CNBD1: variants seen among roughly 807,000 people sequenced by gnomAD.
CNBD1 encodes cyclic nucleotide binding domain containing 1.
Under a neutral mutation model 54.4 loss-of-function variants are expected in CNBD1, and 71 were observed. That is an observed-to-expected ratio of 1.30 (90% CI 1.08 to 1.59). CNBD1 has a LOEUF of 1.59. CNBD1 is among the 40% of genes most tolerant of loss of function. CNBD1 has a pLI of 0.00. For synonymous variants in CNBD1, 182 were observed against 170.7 expected, an observed-to-expected ratio of 1.07 and a Z score of -0.51; for missense variants, 659 against 518.0, an observed-to-expected ratio of 1.27 and a Z score of -2.64.
At chr8:87,121,709 C>A (rs1256469599) in intron 4 of CNBD1, among the ~76,000 whole-genome samples, 1 of 151,694 alleles carries the variant, frequency 6.6e-6, no homozygotes, top group East Asian at 1.9e-4. Context: ...CCATTCTATT[C>A]TCTACTTCTA....
intron 4 of CNBD1, among the ~76,000 whole-genome samples, chr8:87,135,074 C>T (rs910866103): frequency 2.0e-5 from 3 of 151,970 alleles, no homozygotes; most frequent in South Asian, 2.1e-4. Context: ...TATTCCAGTA[C>T]GTAAATTTTC....
intron 10 of CNBD1, among the ~76,000 whole-genome samples, chr8:87,380,298 T>G (rs1369416279): frequency 6.6e-6 from 1 of 151,944 alleles, no homozygotes; most frequent in Non-Finnish European, 1.5e-5. Flanking sequence ...AGATCATTCT[T>G]GGCACCCTTG....
At chr8:87,072,867 G>A (rs1810787385) in intron 4 of CNBD1, among the ~76,000 whole-genome samples, 1 of 152,054 alleles carries the variant, frequency 6.6e-6, no homozygotes. Context: ...TTTCTAGGTT[G>A]AGGAAGTTCT....
At chr8:87,360,491 T>A (rs545247671) in intron 10 of CNBD1, among the ~76,000 whole-genome samples, 97 of 151,990 alleles carry the variant, frequency 6.4e-4, no homozygotes, top group Non-Finnish European at 1.1e-3. Context: ...AGAATGTAGT[T>A]TATTATTATT....
At chr8:87,303,030 A>G (rs1409848109) in intron 8 of CNBD1, among the ~76,000 whole-genome samples, 1 of 151,892 alleles carries the variant, frequency 6.6e-6, no homozygotes, top group African/African-American at 2.4e-5. Flanking sequence ...ATGGGTAGGA[A>G]GAATCAATAT....
chr8:87,335,614 G>A (rs112348990), intron 8 of CNBD1, among the ~76,000 whole-genome samples: 16 of 151,960 alleles, frequency 1.1e-4, no homozygotes, highest in Non-Finnish European at 1.8e-4. Context: ...ACGTAAGAGG[G>A]GTCTCTTGAA....
intron 2 of CNBD1, among the ~76,000 whole-genome samples, chr8:87,424,573 T>C (rs1206685519): frequency 1.3e-5 from 2 of 152,192 alleles, no homozygotes; most frequent in African/African-American, 4.8e-5. Flanking sequence ...AGTTTCCATG[T>C]AGTTGCGCGT....
intron 3 of CNBD1, among the ~76,000 whole-genome samples, chr8:86,929,647 G>A (rs930338976): frequency 1.3e-5 from 2 of 152,114 alleles, no homozygotes; most frequent in African/African-American, 4.8e-5. Flanking sequence ...GCACACATGC[G>A]AATTTGAAGC....
chr8:86,869,169 C>T (rs577074699), intron 1 of CNBD1, among the ~76,000 whole-genome samples: 3 of 152,252 alleles, frequency 2.0e-5, no homozygotes, highest in Admixed American at 6.5e-5. Context: ...TTAGATAATA[C>T]GTTTTTATTT....
intron 2 of CNBD1, among the ~76,000 whole-genome samples, chr8:87,416,543 G>C (rs1041595522): frequency 1.3e-5 from 2 of 152,020 alleles, no homozygotes; most frequent in Non-Finnish European, 2.9e-5. Flanking sequence ...GGAAAGACCA[G>C]AACAGGGTTG....
chr8:87,056,819 C>T (rs1253122741), intron 4 of CNBD1, among the ~76,000 whole-genome samples: 5 of 151,986 alleles, frequency 3.3e-5, no homozygotes, highest in Non-Finnish European at 7.4e-5. Flanking sequence ...AGATTCACAT[C>T]ACAACTAGAA....
intron 10 of CNBD1, among the ~76,000 whole-genome samples, chr8:87,380,917 G>T (rs1315926161): frequency 6.6e-6 from 1 of 151,992 alleles, no homozygotes; most frequent in Non-Finnish European, 1.5e-5. Flanking sequence ...AGACACAAAT[G>T]CAAGAATTGT....
intron 8 of CNBD1, among the ~76,000 whole-genome samples, chr8:87,295,453 A>G (rs1351162134): frequency 6.6e-6 from 1 of 151,404 alleles, no homozygotes; most frequent in East Asian, 1.9e-4. Flanking sequence ...ATAATAATTA[A>G]ATTAAAATAA....
At chr8:87,424,710 C>G (rs1250844713) in intron 2 of CNBD1, among the ~76,000 whole-genome samples, 2 of 152,180 alleles carry the variant, frequency 1.3e-5, no homozygotes, top group African/African-American at 4.8e-5. Flanking sequence ...TGATGGGCTT[C>G]CCTTTGAGGG....
chr8:87,305,690 T>C (rs572454674), intron 8 of CNBD1, among the ~76,000 whole-genome samples: 7 of 152,052 alleles, frequency 4.6e-5, no homozygotes, highest in Non-Finnish European at 7.4e-5. Context: ...GTTGGGATAA[T>C]TGGCAAGCCA....
chr8:87,063,932 AT>A (rs1372927768), intron 4 of CNBD1, among the ~76,000 whole-genome samples: 13 of 152,000 alleles, frequency 8.6e-5, no homozygotes, highest in Admixed American at 8.5e-4. Context: ...AATGCAATTG[AT>A]TTTTGTATAC....
chr8:87,101,309 C>G (rs572801086), intron 4 of CNBD1, among the ~76,000 whole-genome samples: 18 of 152,088 alleles, frequency 1.2e-4, no homozygotes, highest in Admixed American at 1.1e-3. Context: ...AGTGAATGAA[C>G]AGGTGGGAAA....
intron 4 of CNBD1, among the ~76,000 whole-genome samples, chr8:87,003,758 G>A (rs1408091929): frequency 2.0e-5 from 3 of 152,176 alleles, no homozygotes; most frequent in African/African-American, 7.2e-5. Context: ...GGAAATAGCA[G>A]TCTGTGAACT....
At chr8:86,950,068 T>C (rs1402801361) in intron 4 of CNBD1, among the ~76,000 whole-genome samples, 68 of 85,586 alleles carry the variant, frequency 7.9e-4, no homozygotes, top group African/African-American at 3.2e-3. Flanking sequence ...TTTTTTTTTT[T>C]TTTTTTTTTT....
Sources: gnomAD v4.1 joint callset for allele counts (sites outside exome capture counted in the v4.1 genomes callset) on GRCh38, gnomAD v4.1.1 for gene constraint, MANE v1.5 for transcripts, NCBI Gene and HGNC (gene_info 2026-07-23, HGNC 2026-07-21) for gene names.